Variants in VCL observed in about 807,000 individuals in gnomAD.
The protein encoded by VCL is epididymis luminal protein 114.
Under a neutral mutation model 125.7 loss-of-function variants are expected in VCL, and 47 were observed. That is an observed-to-expected ratio of 0.37 (90% confidence interval 0.30 to 0.48). The LOEUF is 0.48. Among genes scored for constraint, VCL ranks in the 20% least tolerant of loss-of-function variants. The pLI is 0.99. For missense variants in VCL, 1,069 were observed against 1,455.5 expected (o/e 0.73, Z 4.32); for synonymous variants, 458 against 514.6 (o/e 0.89, Z 1.49).
chr10:74,108,381 C>A (rs1263537501), intron 17 of VCL, among the ~76,000 whole-genome samples: 8 of 152,186 alleles, frequency 5.3e-5, no homozygotes, highest in Non-Finnish European at 7.3e-5. Context: ...CCACAACTTA[C>A]ATCTTCTGTA....
chr10:74,070,807 T>C lies in VCL; in HGVS notation c.377T>C (p.Phe126Ser). ...LSGTSDLLLTFDEAEVRKIIR... is the reference protein window; with the variant it reads ...LSGTSDLLLTSDEAEVRKIIR... ...GGAACATCAGACCTGCTCCTTACCTTCGATGAGGCTGAGGTAGGCAATCTG... is the reference window on the plus strand; with the variant it reads ...GGAACATCAGACCTGCTCCTTACCTCCGATGAGGCTGAGGTAGGCAATCTG... The change falls in exon 3 of 22, where the codon TTC becomes TCC. Residue 126 changes from phenylalanine to serine, a missense_variant. Phe to Ser is a radical substitution (Grantham distance 155). This residue lies in a region of VCL where 8 missense variants were observed against 29.1 expected (regional missense o/e 0.28). Transcript: ENST00000211998. 3 of 1,614,100 alleles carry C rather than the reference T, an allele frequency of 1.9e-6. No individual in the cohort carries two copies. The highest frequency in any genetic ancestry group is 2.5e-6 in the Non-Finnish European group (3 of 1,180,014).
chr10:74,080,003 T>C (rs1839651714), intron 6 of VCL, among the ~76,000 whole-genome samples: 2 of 152,304 alleles, frequency 1.3e-5, no homozygotes, highest in South Asian at 4.1e-4. Context: ...CACTGAGCAG[T>C]AAATTACTCA....
At chr10:74,007,873 G>A (rs925097658) in intron 1 of VCL, among the ~76,000 whole-genome samples, 2 of 151,126 alleles carry the variant, frequency 1.3e-5, no homozygotes, top group Non-Finnish European at 2.9e-5. Flanking sequence ...CACAATCTCC[G>A]CTCACTGCAA....
At chr10:74,061,684 G>T (rs1195408300) in intron 2 of VCL, among the ~76,000 whole-genome samples, 1 of 152,114 alleles carries the variant, frequency 6.6e-6, no homozygotes, top group African/African-American at 2.4e-5. Context: ...TTGTCCCACA[G>T]TTCACTGATG....
intron 1 of VCL, among the ~76,000 whole-genome samples, chr10:74,041,312 TA>T (rs1302483724): frequency 6.6e-5 from 10 of 152,216 alleles, no homozygotes; most frequent in Non-Finnish European, 8.8e-5. Context: ...GGTGGCTTTA[TA>T]TTGTTAAAAT....
intron 21 of VCL, among the ~76,000 whole-genome samples, chr10:74,117,657 A>C (rs1295547911): frequency 6.6e-6 from 1 of 152,196 alleles, no homozygotes; most frequent in East Asian, 1.9e-4. Flanking sequence ...ATCTCAAAAA[A>C]AGAATGAGCA....
intron 1 of VCL, chr10:74,016,972 G>C (rs1044239921): frequency 6.7e-6 from 1 of 150,008 alleles, no homozygotes; most frequent in Non-Finnish European, 1.5e-5. Context: ...TTGTCCTTTT[G>C]TGATTGGCTT....
chr10:74,078,791 C>A (rs1839633299), intron 6 of VCL, among the ~76,000 whole-genome samples: 1 of 152,118 alleles, frequency 6.6e-6, no homozygotes, highest in Non-Finnish European at 1.5e-5. Context: ...ACTGCCCAAT[C>A]TATACTTTCC....
intron 2 of VCL, among the ~76,000 whole-genome samples, chr10:74,062,887 A>T (rs1248668706): frequency 6.6e-6 from 1 of 152,054 alleles, no homozygotes; most frequent in Non-Finnish European, 1.5e-5. Context: ...GGCCATCATG[A>T]TACCCCGTCG....
At chr10:74,057,757 C>T (rs1489374058) in intron 2 of VCL, among the ~76,000 whole-genome samples, 1 of 152,000 alleles carries the variant, frequency 6.6e-6, no homozygotes. Context: ...CATGGCAAAA[C>T]CCCATCTCTA....
chr10:74,095,170 T>C, intron 11 of VCL, among the ~76,000 whole-genome samples: 1 of 152,348 alleles, frequency 6.6e-6, no homozygotes, highest in East Asian at 1.9e-4. Context: ...CATACAGGAA[T>C]ATATGCATAC....
intron 2 of VCL, among the ~76,000 whole-genome samples, chr10:74,060,043 T>A (rs1387774854): frequency 6.6e-6 from 1 of 152,062 alleles, no homozygotes; most frequent in Non-Finnish European, 1.5e-5. Context: ...GCACCTATAG[T>A]CTCAGCTACT....
intron 10 of VCL, among the ~76,000 whole-genome samples, chr10:74,092,359 GT>G (rs1347303953): frequency 6.6e-6 from 1 of 152,122 alleles, no homozygotes; most frequent in East Asian, 1.9e-4. Context: ...GTTGGGGGCA[GT>G]TTTTTTCTTT....
chr10:74,065,221 C>T (rs972842687), intron 2 of VCL, among the ~76,000 whole-genome samples: 2 of 151,272 alleles, frequency 1.3e-5, no homozygotes, highest in Non-Finnish European at 2.9e-5. Context: ...AATGCAACCT[C>T]CGCCTCCCAG....
chr10:74,084,251 A>G (rs975723089), intron 8 of VCL, among the ~76,000 whole-genome samples: 2 of 152,050 alleles, frequency 1.3e-5, no homozygotes, highest in Non-Finnish European at 2.9e-5. Context: ...GTGAGCCACC[A>G]TGCCTGGCCT....
At chr10:74,037,499 G>A (rs936041330) in intron 1 of VCL, among the ~76,000 whole-genome samples, 5 of 152,216 alleles carry the variant, frequency 3.3e-5, no homozygotes, top group Admixed American at 6.5e-5. Context: ...CTAGAACAGA[G>A]GATGACAATC....
At chr10:74,104,984 A>G in intron 15 of VCL, 67 bp from the exon 16 acceptor site, 1 of 1,552,972 alleles carries the variant, frequency 6.4e-7, no homozygotes, top group East Asian at 2.3e-5. Context: ...GTTTGAGTGG[A>G]TAACAGTGTT....
At chr10:74,030,254 T>C (rs1272587962) in intron 1 of VCL, among the ~76,000 whole-genome samples, 2 of 152,218 alleles carry the variant, frequency 1.3e-5, no homozygotes, top group Non-Finnish European at 2.9e-5. Context: ...TGTTGTCACA[T>C]GGAAACAGGG....
In VCL at chr10:74,112,010, C is replaced by G. The variant is rs770857763; in HGVS notation, c.2847C>G (p.Tyr949Ter). 1 of 1,614,202 alleles carries G rather than the reference C, an allele frequency of 6.2e-7. No homozygotes were observed. Among genetic ancestry groups the G allele is most frequent in the Non-Finnish European group, 8.5e-7 (1 of 1,180,038 alleles). The change falls in exon 19 of 22, where the codon TAC becomes TAG. Residue 949 changes from tyrosine to a stop codon, truncating the protein, a stop_gained. Transcript: ENST00000211998. LOFTEE classifies it high-confidence loss of function. ...FPVPPDMEDD[Y>*]EPELLLMPSN... ...TCCCCCCTGACATGGAAGACGATTACGAACCTGAGCTGCTGTTAATGCCAT... is the reference window on the plus strand; with the variant it reads ...TCCCCCCTGACATGGAAGACGATTAGGAACCTGAGCTGCTGTTAATGCCAT...
Sources: gnomAD v4.1 joint callset for allele counts (sites outside exome capture counted in the v4.1 genomes callset) on GRCh38, gnomAD v4.1.1 for gene constraint, gnomAD v4.1.1 regional missense constraint, MANE v1.5 for transcripts, NCBI Gene and HGNC (gene_info 2026-07-23, HGNC 2026-07-21) for gene names.